Variants in ARK2C observed in about 807,000 individuals in gnomAD.
ARK2C encodes arkadia (RNF111) C-terminal like ring finger ubiquitin ligase 2C, also known as E3 ubiquitin-protein ligase ARK2C.
the ARK2C span, among the ~76,000 whole-genome samples, chr18:46,374,718 C>T: frequency 6.6e-6 from 1 of 152,090 alleles, no homozygotes; most frequent in Admixed American, 6.6e-5. Flanking sequence ...GAGTCTCATA[C>T]GGAGGTCTAG....
At chr18:46,394,987 G>A in the ARK2C span, among the ~76,000 whole-genome samples, 1 of 152,334 alleles carries the variant, frequency 6.6e-6, no homozygotes, top group East Asian at 1.9e-4. Flanking sequence ...AAAGCCTCAT[G>A]TAGCCTGTGG....
the ARK2C span, among the ~76,000 whole-genome samples, chr18:46,443,194 TTTG>T: frequency 2.6e-5 from 4 of 152,310 alleles, no homozygotes; most frequent in Admixed American, 2.0e-4. Flanking sequence ...TTCCATCTGT[TTTG>T]TTGTTGTTGT....
chr18:46,380,608 G>A, the ARK2C span, among the ~76,000 whole-genome samples: 7 of 152,170 alleles, frequency 4.6e-5, no homozygotes, highest in African/African-American at 1.7e-4. Context: ...GAGTTGCTGA[G>A]CTGGTCGCTG....
chr18:46,401,036 C>A, the ARK2C span, among the ~76,000 whole-genome samples: 1 of 152,108 alleles, frequency 6.6e-6, no homozygotes. Flanking sequence ...GAGGCCAGAC[C>A]CCCTCCCCAT....
chr18:46,433,880 G>A, the ARK2C span, among the ~76,000 whole-genome samples: 3 of 152,126 alleles, frequency 2.0e-5, no homozygotes, highest in African/African-American at 7.2e-5. Context: ...ATTTGACTAG[G>A]GAACTCCTCA....
At chr18:46,387,564 A>G in the ARK2C span, among the ~76,000 whole-genome samples, 1 of 152,230 alleles carries the variant, frequency 6.6e-6, no homozygotes, top group African/African-American at 2.4e-5. Context: ...GCTTCCCGGC[A>G]CCACCTGGGT....
the ARK2C span, among the ~76,000 whole-genome samples, chr18:46,344,199 T>A: frequency 6.6e-6 from 1 of 152,036 alleles, no homozygotes. Context: ...AGCCTGCAGG[T>A]GGAGAGGGGG....
At chr18:46,388,774 C>T in the ARK2C span, among the ~76,000 whole-genome samples, 89 of 152,208 alleles carry the variant, frequency 5.8e-4, no homozygotes, top group Middle Eastern at 6.8e-3. Context: ...ATTTCCATTT[C>T]CCGAGTGAGG....
the ARK2C span, among the ~76,000 whole-genome samples, chr18:46,369,017 A>G: frequency 0.38 from 58,143 of 152,080 alleles, 13,570 homozygotes; most frequent in African/African-American, 0.65. Context: ...TTAATCATGT[A>G]GTTTAAGTGT....
At chr18:46,447,529 C>A in the ARK2C span, 1 of 1,613,470 alleles carries the variant, frequency 6.2e-7, no homozygotes, top group East Asian at 2.2e-5. Flanking sequence ...TAAATCACAC[C>A]ACCCTATGGT....
the ARK2C span, among the ~76,000 whole-genome samples, chr18:46,449,388 G>A: frequency 1.2e-4 from 18 of 152,074 alleles, no homozygotes; most frequent in Admixed American, 3.3e-4. Flanking sequence ...TTAAAATATC[G>A]TTAATCTTTA....
chr18:46,413,815 G>C, the ARK2C span, among the ~76,000 whole-genome samples: 1 of 152,162 alleles, frequency 6.6e-6, no homozygotes, highest in South Asian at 2.1e-4. Flanking sequence ...TGTACATACA[G>C]AGAAAAACAC....
the ARK2C span, among the ~76,000 whole-genome samples, chr18:46,341,222 T>G: frequency 4.6e-5 from 7 of 151,538 alleles, no homozygotes; most frequent in Admixed American, 2.6e-4. Context: ...TTGGACTGGC[T>G]TCTTTGGCCT....
chr18:46,403,364 C>T, the ARK2C span, among the ~76,000 whole-genome samples: 1 of 152,022 alleles, frequency 6.6e-6, no homozygotes, highest in Non-Finnish European at 1.5e-5. Flanking sequence ...GAAAGCTCTC[C>T]CTGCCCCCGG....
At chr18:46,380,687 C>T in the ARK2C span, among the ~76,000 whole-genome samples, 1 of 152,176 alleles carries the variant, frequency 6.6e-6, no homozygotes, top group Non-Finnish European at 1.5e-5. Flanking sequence ...GTCTCCAACC[C>T]CCAGTATCTG....
At chr18:46,351,939 C>T in the ARK2C span, among the ~76,000 whole-genome samples, 1 of 152,296 alleles carries the variant, frequency 6.6e-6, no homozygotes, top group South Asian at 2.1e-4. Flanking sequence ...CTGCACCGTG[C>T]ATCTACGCAG....
chr18:46,447,997 T>G, the ARK2C span, among the ~76,000 whole-genome samples: 190 of 138,000 alleles, frequency 1.4e-3, no homozygotes, highest in Non-Finnish European at 2.4e-3. Flanking sequence ...CCCCCTTATA[T>G]GCTGGCTCCC....
At chr18:46,440,232 T>A in the ARK2C span, among the ~76,000 whole-genome samples, 1 of 152,150 alleles carries the variant, frequency 6.6e-6, no homozygotes, top group Non-Finnish European at 1.5e-5. Flanking sequence ...CAGTTACCCA[T>A]GTAAACCACG....
At chr18:46,355,262 AT>A in the ARK2C span, among the ~76,000 whole-genome samples, 234 of 151,308 alleles carry the variant, frequency 1.5e-3, 2 homozygotes, top group African/African-American at 5.3e-3. Flanking sequence ...CTGTTTTAAT[AT>A]TTTTTTTTAA....
Sources: gnomAD v4.1 joint callset for allele counts (sites outside exome capture counted in the v4.1 genomes callset) on GRCh38, gnomAD v4.1.1 for gene constraint, MANE v1.5 for transcripts, NCBI Gene and HGNC (gene_info 2026-07-23, HGNC 2026-07-21) for gene names.